The following FCER2 variants were observed in gnomAD, a reference collection of about 807,000 sequenced individuals.
The protein encoded by FCER2 is low affinity immunoglobulin epsilon Fc receptor.
In FCER2, 38 loss-of-function variants were observed where a neutral mutation model predicts 49.7. The observed-to-expected ratio is 0.76, with a 90% CI of 0.59 to 1.00. FCER2 has a LOEUF of 1.00. Ranked by LOEUF, FCER2 falls within the 50% of genes least tolerant of loss-of-function variation. The pLI, the probability that FCER2 is intolerant of heterozygous loss-of-function variation, is 0.00. For missense variants in FCER2, 425 were observed against 419.5 expected (o/e 1.01, Z -0.11); for synonymous variants, 163 against 164.6 (o/e 0.99, Z 0.07).
chr19:7,693,366 C>T (rs900559027), intron 8 of FCER2, among the ~76,000 whole-genome samples: 10 of 152,068 alleles, frequency 6.6e-5, no homozygotes, highest in Non-Finnish European at 7.4e-5. Context: ...TCTCCCCTTC[C>T]CCCCACCGCA....
Position 7,702,062 on chromosome 19 carries a change from G to A in FCER2, c.-133C>T, listed in dbSNP as rs2033163999. 6.6e-6 allele frequency: 1 copy of A among 151,964 alleles called. No homozygotes were observed. The highest frequency in any genetic ancestry group is 2.1e-4 in the South Asian group (1 of 4,822). 9.4% of individuals were successfully genotyped at this position (151,964 alleles called of 1,614,324 possible). On this transcript the variant is annotated 5_prime_UTR_variant, in exon 1 of 11. Coordinates refer to ENST00000597921, the MANE Select transcript of FCER2 (RefSeq NM_001220500.2). ...TGTGTCTGTCCTCCTAGTGTGTTGG[G>A]GTCGACCAGAGCGATTGGCAGGGAC...
chr19:7,700,361 C>G (rs930518004), intron 1 of FCER2, among the ~76,000 whole-genome samples: 4 of 152,132 alleles, frequency 2.6e-5, no homozygotes, highest in African/African-American at 9.7e-5. Context: ...TGGTGCCGGG[C>G]TGCGCACAGT....
intron 10 of FCER2, among the ~76,000 whole-genome samples, chr19:7,689,861 C>A (rs927861867): frequency 7.9e-5 from 12 of 152,116 alleles, no homozygotes; most frequent in African/African-American, 2.2e-4. Context: ...GGTGATCCAC[C>A]CACCTCGGCC....
At chr19:7,697,386 G>T in intron 5 of FCER2, 88 bp from the exon 6 acceptor site, 1 of 1,528,200 alleles carries the variant, frequency 6.5e-7, no homozygotes, top group Non-Finnish European at 9.1e-7. Flanking sequence ...TCTTTGCCTG[G>T]GTTCTTGGAA....
intron 1 of FCER2, among the ~76,000 whole-genome samples, chr19:7,700,618 G>A (rs1282439222): frequency 1.3e-5 from 2 of 151,824 alleles, no homozygotes; most frequent in Non-Finnish European, 2.9e-5. Context: ...GGGTTCAAGC[G>A]ATTCTCCCGC....
chr19:7,694,147 G>A (rs35313549), intron 8 of FCER2, among the ~76,000 whole-genome samples: 35,386 of 151,878 alleles, frequency 0.23, 4,486 homozygotes, highest in Admixed American at 0.34. Flanking sequence ...TGAGATGAGT[G>A]TGCTTCTCAC....
At chr19:7,698,607 T>G (rs544482876) in intron 3 of FCER2, 134 bp downstream of exon 3, 1 of 1,241,164 alleles carries the variant, frequency 8.1e-7, no homozygotes. Context: ...AGTGGCAAGA[T>G]GGGAGGCAGG....
chr19:7,694,681 G>C (rs1224516295), intron 8 of FCER2, among the ~76,000 whole-genome samples: 5 of 152,158 alleles, frequency 3.3e-5, no homozygotes, highest in Non-Finnish European at 1.5e-5. Flanking sequence ...CATCCCAGGG[G>C]ATGGGACTCC....
chr19:7,691,583 A>C (rs1466753505), intron 8 of FCER2, among the ~76,000 whole-genome samples: 1 of 152,002 alleles, frequency 6.6e-6, no homozygotes, highest in East Asian at 1.9e-4. Context: ...CATCACCAAC[A>C]GCACTTTCAC....
In FCER2 at chr19:7,697,675, C is replaced by T. The variant is rs183418561; in HGVS notation, c.191-86G>A. The T allele has an allele frequency of 2.3e-3, 2,370 of 1,042,960 alleles. 6 individuals carry two copies. Among genetic ancestry groups the T allele is most frequent in the Non-Finnish European group, 3.1e-3 (2,100 of 676,024 alleles). 64.6% of individuals were successfully genotyped at this position (1,042,960 alleles called of 1,614,324 possible). On this transcript the variant is annotated intron_variant, in intron 4 of 10. Transcript: ENST00000597921. Reference sequence around the variant, plus strand: ...CCTATGCCCCAGGCTCAGGGACCCTCTCACATAGTCACAACAGCTGCTGTT... The same window carrying T: ...CCTATGCCCCAGGCTCAGGGACCCTTTCACATAGTCACAACAGCTGCTGTT...
In FCER2 at chr19:7,697,596, C is replaced by G. The variant is rs1421070646; in HGVS notation, c.191-7G>C. 6.2e-7 allele frequency: 1 copy of G among 1,613,672 alleles called. No homozygotes were observed. The highest frequency in any genetic ancestry group is 8.5e-7 in the Non-Finnish European group (1 of 1,179,694). On this transcript the variant is annotated splice_polypyrimidine_tract_variant and splice_region_variant and intron_variant, in intron 4 of 10. Coordinates refer to ENST00000597921, the MANE Select transcript of FCER2 (RefSeq NM_001220500.2). ...TTCTTGGAAACTTGAGAGACTGGAG[C>G]GGCGGGAGAGAAGAGATATCCCAGG...
rs557932622 is a variant in FCER2, at chr19:7,700,957, C to T, written c.-86+1058G>A. On this transcript the variant is annotated intron_variant, in intron 1 of 10. Transcript: ENST00000597921. ...TCCCAAGTAGCTGGGACTACAGGCACCCACCACCACACCTGGCTAATTTTT... is the reference window on the plus strand; with the variant it reads ...TCCCAAGTAGCTGGGACTACAGGCATCCACCACCACACCTGGCTAATTTTT... Among the ~76,000 whole-genome samples, 10 of 152,228 alleles carry T rather than the reference C, an allele frequency of 6.6e-5. No individual in the cohort carries two copies. In the East Asian group the frequency reaches 1.9e-3, roughly 29 times the overall value.
At position 7,696,813 on chromosome 19, in the gene FCER2, TCACA is replaced by T; in HGVS notation, c.469+8_469+11del. On this transcript the variant is annotated splice_region_variant and intron_variant, in intron 8 of 10. Coordinates refer to ENST00000597921, the MANE Select transcript of FCER2 (RefSeq NM_001220500.2). ...GTCACGCGTCGTCCTGAGCAGAGACTCACACACTCACCGCTGGACACCTGCAACT... is the reference window on the plus strand; with the variant it reads ...GTCACGCGTCGTCCTGAGCAGAGACTCACTCACCGCTGGACACCTGCAACT... The T allele has an allele frequency of 6.4e-7, 1 of 1,561,374 alleles. No homozygotes were observed. The highest frequency in any genetic ancestry group is 8.7e-7 in the Non-Finnish European group (1 of 1,150,424).
chr19:7,694,378 C>A (rs1222682512), intron 8 of FCER2, among the ~76,000 whole-genome samples: 2 of 152,104 alleles, frequency 1.3e-5, no homozygotes, highest in Non-Finnish European at 2.9e-5. Flanking sequence ...ACAACAAAAA[C>A]AACAACGACA....
intron 8 of FCER2, among the ~76,000 whole-genome samples, chr19:7,693,567 C>CAA (rs1461596117): frequency 1.3e-5 from 2 of 151,854 alleles, no homozygotes; most frequent in East Asian, 3.9e-4. Context: ...GGCAACATAG[C>CAA]AAAAACCCGC....
In FCER2 at chr19:7,699,739, C is replaced by G. The variant is rs771381661; in HGVS notation, c.22G>C (p.Glu8Gln). Residue 8 changes from glutamate (E) to glutamine (Q), a missense_variant and splice_region_variant, in exon 2 of 11, where the codon GAG (glutamate) becomes CAG (glutamine). Physicochemically the swap from Glu to Gln is conservative, Grantham distance 29 (BLOSUM62 2). Coordinates refer to ENST00000597921, the MANE Select transcript of FCER2 (RefSeq NM_001220500.2). The stretch of plus-strand genomic sequence containing the variant: ...CGTTAGAACCAGAGAGTCCTCCTAC[C>G]TGAATATTGACCTTCCTCCATGGCG... MEEGQYS[E>Q]IEELPRRRCC... The G allele has an allele frequency of 1.2e-6, 2 of 1,613,878 alleles. No homozygotes were observed. Among genetic ancestry groups the G allele is most frequent in the Non-Finnish European group, 1.7e-6 (2 of 1,179,822 alleles).
chr19:7,696,826 G>T lies in FCER2; in HGVS notation c.468C>A (p.Ser156Arg), dbSNP rs760862923. The T allele has an allele frequency of 6.4e-7, 1 of 1,570,660 alleles. No homozygotes were observed. Among genetic ancestry groups the T allele is most frequent in the Non-Finnish European group, 8.6e-7 (1 of 1,156,436 alleles). Residue 156 changes from serine to arginine, a missense_variant and splice_region_variant, in exon 8 of 11, where the codon AGC (serine) becomes AGA (arginine). Coordinates refer to ENST00000597921, the MANE Select transcript of FCER2 (RefSeq NM_001220500.2). ...TKLRMELQVS[S>R]GFVCNTCPEK... Reference sequence around the variant, plus strand: ...CTGAGCAGAGACTCACACACTCACCGCTGGACACCTGCAACTCCATCCTTA... The same window carrying T: ...CTGAGCAGAGACTCACACACTCACCTCTGGACACCTGCAACTCCATCCTTA...
intron 8 of FCER2, among the ~76,000 whole-genome samples, chr19:7,696,437 T>C (rs892969818): frequency 6.6e-6 from 1 of 152,154 alleles, no homozygotes; most frequent in Admixed American, 6.5e-5. Flanking sequence ...GGTTTCACCA[T>C]GTTGGTCAGG....
chr19:7,695,738 G>A (rs11668338), intron 8 of FCER2, among the ~76,000 whole-genome samples: 8,322 of 152,216 alleles, frequency 0.055, 314 homozygotes, highest in Non-Finnish European at 0.081. Context: ...GTAACAAAGT[G>A]AGACACTGTG....
Sources: allele counts gnomAD v4.1 joint callset (sites outside exome capture counted in the v4.1 genomes callset), GRCh38; gene constraint gnomAD v4.1.1; transcripts MANE v1.5; gene names NCBI Gene and HGNC (gene_info 2026-07-23, HGNC 2026-07-21).